Variants in PCSK6 observed in about 807,000 individuals in gnomAD.
PCSK6 encodes the protein proprotein convertase subtilisin/kexin type 6, also known as paired basic amino acid cleaving enzyme 4.
PCSK6 carries 85 observed loss-of-function variants against 123.3 expected under a neutral mutation model. That is an observed-to-expected ratio of 0.69 (90% CI 0.58 to 0.83). The LOEUF is 0.83. Ranked by LOEUF, PCSK6 falls within the 40% of genes least tolerant of loss-of-function variation. The pLI, the probability that PCSK6 is intolerant of heterozygous loss-of-function variation, is 0.00. For missense variants in PCSK6, 1,191 were observed against 1,282.3 expected (o/e 0.93, Z 1.09); for synonymous variants, 508 against 516.0 (o/e 0.98, Z 0.21).
intron 13 of PCSK6, among the ~76,000 whole-genome samples, chr15:101,353,397 G>A (rs1297393313): frequency 6.6e-6 from 1 of 152,138 alleles, no homozygotes; most frequent in African/African-American, 2.4e-5. Context: ...AGTGTTTGCT[G>A]GCCGCTCACC....
intron 13 of PCSK6, among the ~76,000 whole-genome samples, chr15:101,348,973 G>C (rs1375270709): frequency 1.3e-5 from 2 of 152,212 alleles, no homozygotes; most frequent in East Asian, 3.8e-4. Flanking sequence ...TAACTGATCT[G>C]TGCCCCGATA....
intron 11 of PCSK6, among the ~76,000 whole-genome samples, chr15:101,372,443 T>C (rs1292789450): frequency 6.6e-6 from 1 of 152,222 alleles, no homozygotes; most frequent in East Asian, 1.9e-4. Flanking sequence ...AAAACACGCT[T>C]TGCATGCACC....
chr15:101,461,592 T>C (rs1236138706), intron 1 of PCSK6, among the ~76,000 whole-genome samples: 2 of 152,138 alleles, frequency 1.3e-5, no homozygotes, highest in African/African-American at 4.8e-5. Context: ...GCAAAACTCC[T>C]AACTAAAATA....
intron 13 of PCSK6, among the ~76,000 whole-genome samples, chr15:101,351,268 G>A (rs1003893288): frequency 6.6e-6 from 1 of 152,198 alleles, no homozygotes; most frequent in African/African-American, 2.4e-5. Flanking sequence ...GATGGAGAAA[G>A]CATTAATACT....
intron 11 of PCSK6, among the ~76,000 whole-genome samples, chr15:101,376,638 C>G (rs758400835): frequency 2.0e-5 from 3 of 152,198 alleles, no homozygotes; most frequent in Non-Finnish European, 2.9e-5. Flanking sequence ...ATTCAAATTC[C>G]AAATCCTAAT....
chr15:101,464,059 G>A (rs2057399722), intron 1 of PCSK6, among the ~76,000 whole-genome samples: 1 of 152,090 alleles, frequency 6.6e-6, no homozygotes, highest in Non-Finnish European at 1.5e-5. Flanking sequence ...GGAAGACAGT[G>A]GTTTTGGCAG....
At chr15:101,425,378 C>T (rs1197453802) in intron 6 of PCSK6, among the ~76,000 whole-genome samples, 8 of 152,176 alleles carry the variant, frequency 5.3e-5, no homozygotes, top group Non-Finnish European at 2.9e-5. Context: ...GGGTGAGGTG[C>T]TCTAACACAG....
At chr15:101,329,348 C>T (rs1449143983) in intron 15 of PCSK6, among the ~76,000 whole-genome samples, 1 of 152,248 alleles carries the variant, frequency 6.6e-6, no homozygotes, top group African/African-American at 2.4e-5. Flanking sequence ...ATCTTCTCCA[C>T]CGTTCACGCC....
At chr15:101,393,169 G>T in intron 8 of PCSK6, 43 bp downstream of exon 8, 3 of 1,425,188 alleles carry the variant, frequency 2.1e-6, no homozygotes, top group Non-Finnish European at 2.9e-6. Flanking sequence ...CCAGAGGGCT[G>T]AGGCACTCAC....
At chr15:101,426,935 G>A (rs1275165138) in intron 6 of PCSK6, among the ~76,000 whole-genome samples, 4 of 152,166 alleles carry the variant, frequency 2.6e-5, no homozygotes, top group Non-Finnish European at 4.4e-5. Flanking sequence ...GAGCACCTTC[G>A]GACTGAGAAG....
chr15:101,329,658 C>T (rs1178320507), intron 15 of PCSK6, among the ~76,000 whole-genome samples: 1 of 152,212 alleles, frequency 6.6e-6, no homozygotes, highest in African/African-American at 2.4e-5. Context: ...CCCTGGAACT[C>T]CGTCTTCCAG....
chr15:101,446,997 C>G (rs557002334), intron 1 of PCSK6, among the ~76,000 whole-genome samples: 5 of 152,288 alleles, frequency 3.3e-5, no homozygotes, highest in Non-Finnish European at 2.9e-5. Flanking sequence ...GTGAGAGAAT[C>G]AAAGGTGACA....
At chr15:101,454,802 G>A (rs892610396) in intron 1 of PCSK6, among the ~76,000 whole-genome samples, 13 of 152,064 alleles carry the variant, frequency 8.5e-5, no homozygotes, top group Middle Eastern at 3.2e-3. Flanking sequence ...AAAATTAGCC[G>A]GGTATGGTGG....
intron 13 of PCSK6, among the ~76,000 whole-genome samples, chr15:101,361,164 C>CTCTTT (rs1555448997): frequency 1.1e-4 from 9 of 80,684 alleles, no homozygotes; most frequent in African/African-American, 3.6e-4. Flanking sequence ...CTTTCTCTCT[C>CTCTTT]TTTTTTTTTT....
intron 13 of PCSK6, among the ~76,000 whole-genome samples, chr15:101,350,636 T>C (rs1289348897): frequency 6.6e-6 from 1 of 152,184 alleles, no homozygotes; most frequent in Non-Finnish European, 1.5e-5. Context: ...CTGGGAAGAA[T>C]GAGGCCAATG....
chr15:101,405,683 C>T (rs942218016), intron 6 of PCSK6, among the ~76,000 whole-genome samples: 13 of 135,060 alleles, frequency 9.6e-5, no homozygotes, highest in Admixed American at 8.0e-4. Context: ...CTTAGTGAAG[C>T]TAAAAAAAAA....
At chr15:101,468,343 T>G (rs1050949694) in intron 1 of PCSK6, among the ~76,000 whole-genome samples, 3 of 152,186 alleles carry the variant, frequency 2.0e-5, no homozygotes, top group Non-Finnish European at 2.9e-5. Context: ...ATTCACTGTG[T>G]GAAAACAGTG....
chr15:101,369,785 CCT>C (rs1418901665), intron 12 of PCSK6, among the ~76,000 whole-genome samples: 1 of 151,120 alleles, frequency 6.6e-6, no homozygotes, highest in Non-Finnish European at 1.5e-5. Context: ...ATTCCCAGCC[CCT>C]GAGCGCAAGA....
intron 1 of PCSK6, among the ~76,000 whole-genome samples, chr15:101,470,367 G>A (rs1325463164): frequency 1.3e-5 from 2 of 152,032 alleles, no homozygotes; most frequent in East Asian, 3.8e-4. Context: ...TTTTCATTAT[G>A]AAATATTTTG....
Sources: allele counts gnomAD v4.1 joint callset (sites outside exome capture counted in the v4.1 genomes callset), GRCh38; gene constraint gnomAD v4.1.1; transcripts MANE v1.5; gene names NCBI Gene and HGNC (gene_info 2026-07-23, HGNC 2026-07-21).